CACNB2: variants seen among roughly 807,000 people sequenced by gnomAD.
CACNB2 encodes voltage-dependent L-type calcium channel subunit beta-2.
CACNB2 carries 42 observed loss-of-function variants against 73.3 expected under a neutral mutation model. The ratio of observed to expected loss-of-function variants is 0.57; its 90% CI spans 0.45 to 0.74. The LOEUF is 0.74. Ranked by LOEUF, CACNB2 falls within the 30% of genes least tolerant of loss-of-function variation. The pLI, the probability that CACNB2 is intolerant of heterozygous loss-of-function variation, is 0.00. For synonymous variants in CACNB2, 348 were observed against 310.3 expected (o/e 1.12, Z -1.28); for missense variants, 940 against 853.0 (o/e 1.10, Z -1.27).
chr10:18,407,081 C>G (rs533513020), intron 3 of CACNB2, among the ~76,000 whole-genome samples: 2 of 114,646 alleles, frequency 1.7e-5, no homozygotes, highest in African/African-American at 6.7e-5. Context: ...ACTTCATGGT[C>G]TTCTAAAGTC....
chr10:18,253,078 C>T (rs1014543943), intron 2 of CACNB2, among the ~76,000 whole-genome samples: 3 of 152,178 alleles, frequency 2.0e-5, no homozygotes, highest in Admixed American at 6.5e-5. Context: ...ACTTACTTGA[C>T]TTCACAGTGC....
chr10:18,393,187 T>TGACAGAGAGA (rs11281154), intron 2 of CACNB2, among the ~76,000 whole-genome samples: 2 of 150,342 alleles, frequency 1.3e-5, no homozygotes, highest in East Asian at 3.9e-4. Context: ...CCAGCCTGGA[T>TGACAGAGAGA]GACTCCATGT....
At chr10:18,204,365 C>A (rs1318642816) in intron 2 of CACNB2, among the ~76,000 whole-genome samples, 1 of 152,190 alleles carries the variant, frequency 6.6e-6, no homozygotes, top group African/African-American at 2.4e-5. Context: ...CCACTAAACA[C>A]CCGTTACTAA....
chr10:18,152,236 T>C (rs2031621657), intron 2 of CACNB2, among the ~76,000 whole-genome samples: 1 of 152,122 alleles, frequency 6.6e-6, no homozygotes, highest in African/African-American at 2.4e-5. Flanking sequence ...GCTTGCAACA[T>C]TTGAGTATGC....
intron 3 of CACNB2, among the ~76,000 whole-genome samples, chr10:18,496,814 C>CAAAAAAAAAAAAAAAAAAAAAAGA (rs905870687): frequency 2.2e-5 from 1 of 45,192 alleles, no homozygotes; most frequent in Non-Finnish European, 4.7e-5. Flanking sequence ...AACTCCGCCT[C>CAAAAAAAAAAAAAAAAAAAAAAGA]AAAAAAAAAA....
intron 2 of CACNB2, among the ~76,000 whole-genome samples, chr10:18,254,008 AAG>A (rs1478819320): frequency 1.3e-5 from 2 of 152,222 alleles, no homozygotes; most frequent in Non-Finnish European, 2.9e-5. Flanking sequence ...TAGGTTGAGG[AAG>A]AGAGAGTCAG....
chr10:18,386,192 A>G (rs1227252539), intron 2 of CACNB2, among the ~76,000 whole-genome samples: 6 of 152,092 alleles, frequency 3.9e-5, no homozygotes, highest in African/African-American at 7.2e-5. Context: ...GGCATTTTCC[A>G]TTAGCTTAAA....
intron 2 of CACNB2, among the ~76,000 whole-genome samples, chr10:18,163,604 C>A (rs1160248306): frequency 2.6e-5 from 4 of 152,134 alleles, no homozygotes. Context: ...ATCAGGGGGT[C>A]ATCTGTTTCG....
chr10:18,335,131 A>G (rs2132037666), intron 2 of CACNB2, among the ~76,000 whole-genome samples: 1 of 146,210 alleles, frequency 6.8e-6, no homozygotes, highest in East Asian at 2.0e-4. Flanking sequence ...ATGAAAAGTA[A>G]AAAAAAAAAA....
chr10:18,223,991 ATTT>A (rs11310932), intron 2 of CACNB2, among the ~76,000 whole-genome samples: 1 of 146,910 alleles, frequency 6.8e-6, no homozygotes. Context: ...TAAGGGGTCT[ATTT>A]TTTTTTTTTG....
At chr10:18,293,336 C>T (rs1327573787) in intron 2 of CACNB2, among the ~76,000 whole-genome samples, 1 of 152,166 alleles carries the variant, frequency 6.6e-6, no homozygotes, top group Non-Finnish European at 1.5e-5. Context: ...GTTTCTTTCC[C>T]TCCTTATACG....
At chr10:18,459,970 C>G (rs1348130287) in intron 3 of CACNB2, among the ~76,000 whole-genome samples, 1 of 152,146 alleles carries the variant, frequency 6.6e-6, no homozygotes, top group Admixed American at 6.5e-5. Context: ...TGCACTCCAG[C>G]CTGGGCAACA....
intron 2 of CACNB2, among the ~76,000 whole-genome samples, chr10:18,243,703 C>T: frequency 6.6e-6 from 1 of 152,264 alleles, no homozygotes; most frequent in South Asian, 2.1e-4. Context: ...TCCTCAATTT[C>T]TCTCTCTTGC....
intron 2 of CACNB2, among the ~76,000 whole-genome samples, chr10:18,264,429 T>C (rs1025620863): frequency 2.1e-4 from 32 of 152,212 alleles, no homozygotes; most frequent in African/African-American, 7.7e-4. Context: ...GCTTGAAGAA[T>C]GTTCTCAAAG....
intron 2 of CACNB2, among the ~76,000 whole-genome samples, chr10:18,390,517 G>A (rs112172080): frequency 0.031 from 4,656 of 152,214 alleles, 266 homozygotes; most frequent in African/African-American, 0.1. Flanking sequence ...CAGCCAACAT[G>A]GTCTTTCTTT....
At chr10:18,432,068 C>G (rs983404775) in intron 3 of CACNB2, among the ~76,000 whole-genome samples, 2 of 152,134 alleles carry the variant, frequency 1.3e-5, no homozygotes, top group South Asian at 4.1e-4. Context: ...CGGCCCAAGA[C>G]TATTATTTAT....
chr10:18,182,527 A>G (rs1375773594), intron 2 of CACNB2, among the ~76,000 whole-genome samples: 1 of 151,946 alleles, frequency 6.6e-6, no homozygotes, highest in African/African-American at 2.4e-5. Flanking sequence ...ATTAAAAAAA[A>G]AAAAATCACC....
chr10:18,510,084 GACC>G (rs2050685152), intron 6 of CACNB2, among the ~76,000 whole-genome samples: 1 of 152,120 alleles, frequency 6.6e-6, no homozygotes, highest in South Asian at 2.1e-4. Flanking sequence ...TTTTGAAAGT[GACC>G]ACATGTTTCA....
At chr10:18,258,949 T>G (rs1194349592) in intron 2 of CACNB2, among the ~76,000 whole-genome samples, 1 of 152,116 alleles carries the variant, frequency 6.6e-6, no homozygotes, top group Admixed American at 6.5e-5. Context: ...ATTCAGAAAT[T>G]TTGTTTTACT....
Sources: gnomAD v4.1 joint callset for allele counts (sites outside exome capture counted in the v4.1 genomes callset) on GRCh38, gnomAD v4.1.1 for gene constraint, MANE v1.5 for transcripts, NCBI Gene and HGNC (gene_info 2026-07-23, HGNC 2026-07-21) for gene names.